Variants in MFSD2A observed in about 807,000 individuals in gnomAD.
MFSD2A encodes the protein sodium-dependent lysophosphatidylcholine symporter 1.
MFSD2A carries 27 observed loss-of-function variants against 64.7 expected under a neutral mutation model. The observed-to-expected ratio is 0.42, with a 90% CI of 0.31 to 0.58. The LOEUF is 0.58. Ranked by LOEUF, MFSD2A falls within the 20% of genes least tolerant of loss-of-function variation. The pLI is 0.18. For synonymous variants in MFSD2A, 258 were observed against 273.4 expected (o/e 0.94, Z 0.55); for missense variants, 474 against 679.5 (o/e 0.70, Z 3.36).
chr1:39,967,928 C>A lies in MFSD2A; in HGVS notation c.1208+12C>A. ...TTCTTACTACCCTGGTAGGTATATA[C>A]AGGCCCCCCTCCTCGGGTATCTCCA... On this transcript the variant is annotated intron_variant, in intron 11 of 13. Transcript: ENST00000372811. The A allele has an allele frequency of 1.9e-6, 3 of 1,547,766 alleles. No individual in the cohort carries two copies. Among genetic ancestry groups the A allele is most frequent in the South Asian group, 1.1e-5 (1 of 88,824 alleles).
In MFSD2A at chr1:39,962,261, G is replaced by C. The variant is rs577672638; in HGVS notation, c.354-2950G>C. Reference sequence around the variant, plus strand: ...GACCTTTGCACTGACTATTCCCTTTGCCCGGTCCACTCTTGCCTCAGATGT... The same window carrying C: ...GACCTTTGCACTGACTATTCCCTTTCCCCGGTCCACTCTTGCCTCAGATGT... On this transcript the variant is annotated intron_variant, in intron 3 of 13. Coordinates refer to ENST00000372811, the MANE Select transcript of MFSD2A (RefSeq NM_032793.5). Among the ~76,000 whole-genome samples, 248 of 152,116 alleles carry C rather than the reference G, an allele frequency of 1.6e-3. 1 individual carries two copies. The highest frequency in any genetic ancestry group is 5.6e-3 in the African/African-American group (233 of 41,474).
Position 39,955,398 on chromosome 1 carries a change from C to T in MFSD2A, c.93+13C>T, listed in dbSNP as rs752032826. ...GGCCCAGGTGAAGGTGAGGGCCCGG[C>T]ACCCCGCGTGGAGGGCGAGGGGAGG... On this transcript the variant is annotated intron_variant, in intron 1 of 13. Transcript: ENST00000372811. The surrounding 1 kb of genome is among the most constrained non-coding windows in gnomAD (Gnocchi z 5.9). 1 of 1,511,534 alleles carries T rather than the reference C, an allele frequency of 6.6e-7. No individual in the cohort carries two copies. The highest frequency in any genetic ancestry group is 1.3e-5 in the South Asian group (1 of 75,990). 93.6% of individuals were successfully genotyped at this position (1,511,534 alleles called of 1,614,324 possible). A position where few individuals can be genotyped will look rare whatever the true frequency, so the allele number is the denominator to read the frequency against.
Position 39,969,771 on chromosome 1 carries a change from A to C in MFSD2A, c.*203A>C. The C allele has an allele frequency of 3.4e-6, 2 of 582,636 alleles. No individual in the cohort carries two copies. The highest frequency in any genetic ancestry group is 6.1e-6 in the Non-Finnish European group (2 of 329,982). 36.1% of individuals were successfully genotyped at this position (582,636 alleles called of 1,614,324 possible). Reference sequence around the variant, plus strand: ...CTCCCCTCTGCCTGCCTGTGGGGCCAAGCCCTGGGGCTGCCACTGTGAATA... The same window carrying C: ...CTCCCCTCTGCCTGCCTGTGGGGCCCAGCCCTGGGGCTGCCACTGTGAATA... On this transcript the variant is annotated 3_prime_UTR_variant, in exon 14 of 14. Transcript: ENST00000372811.
intron 3 of MFSD2A, among the ~76,000 whole-genome samples, chr1:39,959,311 G>GAT (rs1312816475): frequency 6.7e-6 from 1 of 150,316 alleles, no homozygotes; most frequent in Admixed American, 6.6e-5. Context: ...GCAGTGGTGT[G>GAT]ATCATAACTC....
At chr1:39,966,148 C>A in intron 6 of MFSD2A, 134 bp downstream of exon 6, 1 of 999,724 alleles carries the variant, frequency 1.0e-6, no homozygotes, top group Non-Finnish European at 1.4e-6. Flanking sequence ...AATTAATGCA[C>A]CCAATATACC....
chr1:39,958,538 A>C lies in MFSD2A; in HGVS notation c.229-163A>C. On this transcript the variant is annotated intron_variant, in intron 2 of 13. Coordinates refer to ENST00000372811, the MANE Select transcript of MFSD2A (RefSeq NM_032793.5). This position sits in a 1 kb window ranked among gnomAD's most constrained non-coding sequence, Gnocchi z 4.7. ...CTGTTATTGGAGAAATGCTATTGTC[A>C]TTATTAACAAGGCAAGTGAAGATGT... is the stretch of plus-strand genomic sequence containing the variant. 1 of 1,062,730 alleles carries C rather than the reference A, an allele frequency of 9.4e-7. No individual in the cohort carries two copies. The highest frequency in any genetic ancestry group is 1.4e-6 in the Non-Finnish European group (1 of 707,404). The allele number at this position is 1,062,730 out of a possible 1,614,324, so 65.8% of individuals were successfully genotyped here.
At chr1:39,959,486 C>T (rs1376816553) in intron 3 of MFSD2A, among the ~76,000 whole-genome samples, 2 of 152,116 alleles carry the variant, frequency 1.3e-5, no homozygotes, top group African/African-American at 4.8e-5. Flanking sequence ...CTCCTGGGCT[C>T]AAGGTGTCCT....
At position 39,967,199 on chromosome 1, in the gene MFSD2A, C is replaced by T. The variant is rs1265811242; in HGVS notation, c.1011+30C>T. 4 of 1,597,318 alleles carry T rather than the reference C, an allele frequency of 2.5e-6. No individual in the cohort carries two copies. The South Asian group carries it at 3.3e-5, about 13-fold the overall frequency. On this transcript the variant is annotated intron_variant, in intron 9 of 13. Transcript: ENST00000372811. ...GTGGGACCTGAGCAGGGGCGGGCAG[C>T]CTGGGCTGAGGTGACATAGGCTGTG...
rs979565047 is a variant in MFSD2A, at chr1:39,964,310, A to G, written c.354-901A>G. On this transcript the variant is annotated intron_variant, in intron 3 of 13. Transcript: ENST00000372811. This position sits in a 1 kb window ranked among gnomAD's most constrained non-coding sequence, Gnocchi z 4.1. Reference sequence around the variant, plus strand: ...TTTTTATCTGTTCTCTAGTTATCCTAAGTAATTAGAATAGCGCCCAGCCCA... The same window carrying G: ...TTTTTATCTGTTCTCTAGTTATCCTGAGTAATTAGAATAGCGCCCAGCCCA... 6.6e-6 allele frequency: 1 copy of G among 152,224 alleles called. No individual in the cohort carries two copies. Among genetic ancestry groups the G allele is most frequent in the African/African-American group, 2.4e-5 (1 of 41,450 alleles). The allele number at this position is 152,224 out of a possible 1,614,324, so 9.4% of individuals were successfully genotyped here. A position where few individuals can be genotyped will look rare whatever the true frequency, so the allele number is the denominator to read the frequency against.
rs1645008466 is a variant in MFSD2A at position 39,960,285 on chromosome 1, TCCTGCCC to T, written c.353+1462_353+1468del. 6.6e-6 allele frequency among the ~76,000 whole-genome samples: 1 copy of T among 152,202 alleles called. No individual in the cohort carries two copies. Among genetic ancestry groups the T allele is most frequent in the African/African-American group, 2.4e-5 (1 of 41,464 alleles). On this transcript the variant is annotated intron_variant, in intron 3 of 13. Coordinates refer to ENST00000372811, the MANE Select transcript of MFSD2A (RefSeq NM_032793.5). The surrounding 1 kb of genome is among the most constrained non-coding windows in gnomAD (Gnocchi z 4.8). Reference sequence around the variant, plus strand: ...CCCATCCAGGCTTAAGTGGGCGCCTTCCTGCCCCAGGGGCGCCCATACCTGGCCTCCG... The same window carrying T: ...CCCATCCAGGCTTAAGTGGGCGCCTTCAGGGGCGCCCATACCTGGCCTCCG...
Position 39,969,506 on chromosome 1 carries a change from G to T in MFSD2A, c.1531G>T (p.Asp511Tyr), listed in dbSNP as rs745701001. 4 of 1,598,420 alleles carry T rather than the reference G, an allele frequency of 2.5e-6. No homozygotes were observed. Among genetic ancestry groups the T allele is most frequent in the Non-Finnish European group, 2.6e-6 (3 of 1,173,640 alleles). The part of the protein sequence containing the change: ...QNKKALQALR[D>Y]EASSSGCSET... ...ACCCATCTCCTCTCTCTCTTGCAGGGACGAGGCCAGCAGCTCTGGCTGCTC... is the reference window on the plus strand; with the variant it reads ...ACCCATCTCCTCTCTCTCTTGCAGGTACGAGGCCAGCAGCTCTGGCTGCTC... Residue 511 changes from aspartate (D) to tyrosine (Y), a missense_variant and splice_region_variant, in exon 14 of 14, where the codon GAC becomes TAC. Coordinates refer to ENST00000372811, the MANE Select transcript of MFSD2A (RefSeq NM_032793.5).
chr1:39,966,844 C>T lies in MFSD2A; in HGVS notation c.839C>T (p.Ala280Val). 10 of 1,614,088 alleles carry T rather than the reference C, an allele frequency of 6.2e-6. No homozygotes were observed. Among genetic ancestry groups the T allele is most frequent in the Non-Finnish European group, 8.5e-6 (10 of 1,180,046 alleles). ...PYEAQQSEPI[A>V]YFRGLRLVMS... ...GAAGCCCAGCAGTCTGAGCCAATCG[C>T]CTACTTCCGGGGCCTACGGCTGGTC... Residue 280 changes from alanine to valine, a missense_variant, in exon 8 of 14, where the codon GCC becomes GTC. Transcript: ENST00000372811.
Position 39,966,772 on chromosome 1 carries a change from G to A in MFSD2A, c.806-39G>A, listed in dbSNP as rs139130204. ...TGCCTGGCCCTCAGGCTTTGGGAGGGGTCTCTGCTCCTTCCTCACTGTCCG... is the reference window on the plus strand; with the variant it reads ...TGCCTGGCCCTCAGGCTTTGGGAGGAGTCTCTGCTCCTTCCTCACTGTCCG... On this transcript the variant is annotated intron_variant, in intron 7 of 13. Transcript: ENST00000372811. The A allele has an allele frequency of 2.3e-5, 37 of 1,613,810 alleles. No individual in the cohort carries two copies. In the African/African-American group the frequency reaches 3.6e-4, roughly 16 times the overall value.
Position 39,958,876 on chromosome 1 carries a change from A to G in MFSD2A, c.353+51A>G, listed in dbSNP as rs756094697. The G allele has an allele frequency of 2.6e-6, 4 of 1,526,688 alleles. No homozygotes were observed. The highest frequency in any genetic ancestry group is 1.4e-5 in the African/African-American group (1 of 72,056). 94.6% of individuals were successfully genotyped at this position (1,526,688 alleles called of 1,614,324 possible). ...TGGCACAAGGCAGGACTTCCAGCATATCTGCTCCTTGGTCCTTCTCTCTGT... is the reference window on the plus strand; with the variant it reads ...TGGCACAAGGCAGGACTTCCAGCATGTCTGCTCCTTGGTCCTTCTCTCTGT... On this transcript the variant is annotated intron_variant, in intron 3 of 13. Transcript: ENST00000372811. The surrounding 1 kb of genome is among the most constrained non-coding windows in gnomAD (Gnocchi z 4.7).
rs550994133 is a variant in MFSD2A at position 39,960,371 on chromosome 1, G to A, written c.353+1546G>A. On this transcript the variant is annotated intron_variant, in intron 3 of 13. Transcript: ENST00000372811. This position sits in a 1 kb window ranked among gnomAD's most constrained non-coding sequence, Gnocchi z 4.8. ...CCCCCACTACAGCTTCCTTTCCCAC[G>A]AGGCCCCCCACCCACCCCAATCCTG... Among the ~76,000 whole-genome samples the A allele has an allele frequency of 6.6e-5, 10 of 151,612 alleles. No homozygotes were observed. The highest frequency in any genetic ancestry group is 3.9e-4 in the East Asian group (2 of 5,124).
intron 3 of MFSD2A, chr1:39,962,589 G>C: frequency 2.8e-6 from 2 of 714,202 alleles, no homozygotes; most frequent in Non-Finnish European, 4.8e-6. Flanking sequence ...TGGAGGCCCT[G>C]GTGGCCCTGG....
At chr1:39,962,825 C>A (rs186018516) in intron 3 of MFSD2A, 49 of 1,387,202 alleles carry the variant, frequency 3.5e-5, no homozygotes, top group Middle Eastern at 4.4e-4. Context: ...GATCTGAGAT[C>A]ATTGACTTTT....
rs1286239543 is a variant in MFSD2A at position 39,966,627 on chromosome 1, G to A, written c.741G>A (p.Gly247=). The change falls in exon 7 of 14, where the codon GGG becomes GGA. Residue 247 remains glycine (G), a synonymous_variant. Coordinates refer to ENST00000372811, the MANE Select transcript of MFSD2A (RefSeq NM_032793.5). ...ETQKAYLLAA[G]VIVCIYIICA... is the part of the protein sequence containing the mutation. The stretch of plus-strand genomic sequence containing the variant: ...AAAAGGCATACCTGCTGGCAGCGGG[G>A]GTCATTGTCTGTATCTATATAATCT... The A allele has an allele frequency of 6.2e-7, 1 of 1,613,796 alleles. No homozygotes were observed. The highest frequency in any genetic ancestry group is 1.1e-5 in the South Asian group (1 of 91,030).
rs1190365055 is a variant in MFSD2A at position 39,968,390 on chromosome 1, G to C, written c.1265G>C (p.Gly422Ala). The C allele has an allele frequency of 6.2e-7, 1 of 1,614,126 alleles. No individual in the cohort carries two copies. Among genetic ancestry groups the C allele is most frequent in the African/African-American group, 1.3e-5 (1 of 75,022 alleles). Residue 422 changes from glycine (G) to alanine (A), a missense_variant, in exon 12 of 14, where the codon GGA (glycine) becomes GCA (alanine). Transcript: ENST00000372811. This position sits in a 1 kb window ranked among gnomAD's most constrained non-coding sequence, Gnocchi z 4.4. ...DFHLKQPHFH[G>A]TEPIFFSFYV... The stretch of plus-strand genomic sequence containing the variant: ...CATCTGAAGCAGCCCCACTTCCATG[G>C]AACCGAGCCCATCTTCTTCTCCTTC...
Sources: allele counts gnomAD v4.1 joint callset (sites outside exome capture counted in the v4.1 genomes callset), GRCh38; gene constraint gnomAD v4.1.1; non-coding constraint Gnocchi (gnomAD v3.1); transcripts MANE v1.5; gene names NCBI Gene and HGNC (gene_info 2026-07-23, HGNC 2026-07-21).